Variants in KCNIP4 observed in about 807,000 individuals in gnomAD.
KCNIP4 encodes the protein Kv channel-interacting protein 4.
Under a neutral mutation model 34.0 loss-of-function variants are expected in KCNIP4, and 12 were observed. The observed-to-expected ratio is 0.35, with a 90% CI of 0.23 to 0.57. The LOEUF is 0.57. KCNIP4 is among the 20% of genes least tolerant of loss of function. The pLI is 0.83. For synonymous variants in KCNIP4, 124 were observed against 102.2 expected, an observed-to-expected ratio of 1.21 and a Z score of -1.29; for missense variants, 238 against 311.7, an observed-to-expected ratio of 0.76 and a Z score of 1.78.
Position 21,247,892 on chromosome 4 carries a change from G to GATAT in KCNIP4, c.62-365187_62-365184dup, listed in dbSNP as rs778784103. On this transcript the variant is annotated intron_variant, in intron 1 of 8. Coordinates refer to ENST00000382152, the MANE Select transcript of KCNIP4 (RefSeq NM_025221.6). ...CACACACACACACACACCACAGGTAGATATATATATATATATACACACACA... is the reference window on the plus strand; with the variant it reads ...CACACACACACACACACCACAGGTAGATATATATATATATATATATACACACACA... Among the ~76,000 whole-genome samples, 26 of 110,468 alleles carry GATAT rather than the reference G, an allele frequency of 2.4e-4. 1 individual carries two copies. Among genetic ancestry groups the GATAT allele is most frequent in the African/African-American group, 8.7e-4 (22 of 25,186 alleles). 72.5% of individuals were successfully genotyped at this position (110,468 alleles called of 152,430 possible). A position where few individuals can be genotyped will look rare whatever the true frequency, so the allele number is the denominator to read the frequency against.
At chr4:21,463,742 T>G (rs1252857570) in intron 1 of KCNIP4, among the ~76,000 whole-genome samples, 1 of 152,046 alleles carries the variant, frequency 6.6e-6, no homozygotes, top group Admixed American at 6.6e-5. Flanking sequence ...TTGGAAATAT[T>G]CCTTTGTCTT....
chr4:21,429,618 C>T (rs1398710522), intron 1 of KCNIP4, among the ~76,000 whole-genome samples: 1 of 152,122 alleles, frequency 6.6e-6, no homozygotes, highest in Non-Finnish European at 1.5e-5. Context: ...AATGAGAGTT[C>T]CTGTTGCTCC....
At chr4:21,124,854 T>G (rs1750474945) in intron 1 of KCNIP4, among the ~76,000 whole-genome samples, 1 of 152,156 alleles carries the variant, frequency 6.6e-6, no homozygotes, top group African/African-American at 2.4e-5. Flanking sequence ...TGATCTCATC[T>G]ACATGATCTC....
chr4:21,501,037 C>A (rs1733284156), intron 1 of KCNIP4, among the ~76,000 whole-genome samples: 1 of 151,934 alleles, frequency 6.6e-6, no homozygotes, highest in African/African-American at 2.4e-5. Context: ...TTAGGCAAGA[C>A]CTCTAATCTC....
At chr4:21,657,909 G>A (rs1331874214) in intron 1 of KCNIP4, among the ~76,000 whole-genome samples, 5 of 151,046 alleles carry the variant, frequency 3.3e-5, no homozygotes, top group African/African-American at 9.8e-5. Context: ...GAACGATCTC[G>A]GCTCAGTGCA....
chr4:20,921,364 CT>C (rs1729375672), intron 1 of KCNIP4, among the ~76,000 whole-genome samples: 1 of 152,150 alleles, frequency 6.6e-6, no homozygotes, highest in Non-Finnish European at 1.5e-5. Flanking sequence ...TTGATGAGAA[CT>C]GTTAATATGT....
intron 1 of KCNIP4, among the ~76,000 whole-genome samples, chr4:21,159,575 G>A: frequency 2.6e-5 from 1 of 38,122 alleles, no homozygotes; most frequent in East Asian, 5.0e-4. Flanking sequence ...GCAGGGCGAG[G>A]CATTGCCTCA....
chr4:20,977,315 T>TGCTCACG (rs1735588903), intron 1 of KCNIP4, among the ~76,000 whole-genome samples: 1 of 152,208 alleles, frequency 6.6e-6, no homozygotes, highest in African/African-American at 2.4e-5. Context: ...GTCAATGTCT[T>TGCTCACG]GCTCACTTAA....
At chr4:21,080,747 T>C (rs1745934032) in intron 1 of KCNIP4, among the ~76,000 whole-genome samples, 1 of 151,894 alleles carries the variant, frequency 6.6e-6, no homozygotes, top group Non-Finnish European at 1.5e-5. Flanking sequence ...TTGTTATTCC[T>C]ATACTGTCTA....
intron 1 of KCNIP4, among the ~76,000 whole-genome samples, chr4:21,403,592 A>G (rs1451174794): frequency 6.6e-6 from 1 of 152,190 alleles, no homozygotes; most frequent in Non-Finnish European, 1.5e-5. Flanking sequence ...TCATCTCTAT[A>G]ACCTAATAGA....
intron 1 of KCNIP4, among the ~76,000 whole-genome samples, chr4:21,756,445 T>A (rs1338371901): frequency 1.3e-5 from 2 of 151,648 alleles, no homozygotes; most frequent in Non-Finnish European, 2.9e-5. Context: ...TCTCAGCTAC[T>A]CTGGAGGCTG....
chr4:21,796,963 G>T lies in KCNIP4; in HGVS notation c.61+151608C>A, dbSNP rs970632946. Among the ~76,000 whole-genome samples, 9 of 152,146 alleles carry T rather than the reference G, an allele frequency of 5.9e-5. No individual in the cohort carries two copies. In the East Asian group the frequency reaches 1.7e-3, roughly 29 times the overall value. On this transcript the variant is annotated intron_variant, in intron 1 of 8. Coordinates refer to ENST00000382152, the MANE Select transcript of KCNIP4 (RefSeq NM_025221.6). Reference sequence around the variant, plus strand: ...ATTGAACGCTTCTGACATTGGCAAAGCTTGGACATATTCTGAGCAAGAGGC... The same window carrying T: ...ATTGAACGCTTCTGACATTGGCAAATCTTGGACATATTCTGAGCAAGAGGC...
intron 1 of KCNIP4, among the ~76,000 whole-genome samples, chr4:21,251,301 A>T (rs1210239087): frequency 6.6e-6 from 1 of 152,180 alleles, no homozygotes; most frequent in Non-Finnish European, 1.5e-5. Flanking sequence ...TTTTCATCTT[A>T]ATTCCTTCTC....
intron 1 of KCNIP4, among the ~76,000 whole-genome samples, chr4:21,639,368 G>C (rs140654013): frequency 6.6e-6 from 1 of 152,060 alleles, no homozygotes; most frequent in African/African-American, 2.4e-5. Context: ...AAAAAGACAC[G>C]AAATACCTAA....
chr4:21,369,323 G>T (rs1188718291), intron 1 of KCNIP4, among the ~76,000 whole-genome samples: 1 of 147,360 alleles, frequency 6.8e-6, no homozygotes, highest in Non-Finnish European at 1.5e-5. Context: ...AGATTAATAA[G>T]ATATATTTCT....
intron 1 of KCNIP4, among the ~76,000 whole-genome samples, chr4:21,801,057 G>A (rs1720961826): frequency 1.3e-5 from 2 of 152,060 alleles, no homozygotes; most frequent in Admixed American, 1.3e-4. Context: ...GAAAAATCAG[G>A]GAGGTTTTAT....
rs1749698161 is a variant in KCNIP4 at position 20,736,625 on chromosome 4, T to A, written c.430-1890A>T. On this transcript the variant is annotated intron_variant, in intron 5 of 8. Coordinates refer to ENST00000382152, the MANE Select transcript of KCNIP4 (RefSeq NM_025221.6). ...CTAATATATATAGAACAGTGTTACA[T>A]AATGAAAATGATAATAGATATTCTT... Among the ~76,000 whole-genome samples the A allele has an allele frequency of 3.3e-5, 5 of 152,300 alleles. No individual in the cohort carries two copies. In the South Asian group the frequency reaches 1.0e-3, roughly 32 times the overall value.
At chr4:21,527,900 T>C (rs2108965035) in intron 1 of KCNIP4, among the ~76,000 whole-genome samples, 1 of 152,292 alleles carries the variant, frequency 6.6e-6, no homozygotes, top group South Asian at 2.1e-4. Context: ...CACCTGCTTC[T>C]ATTTATGTTT....
At chr4:21,913,467 G>A (rs1016480536) in intron 1 of KCNIP4, among the ~76,000 whole-genome samples, 1 of 151,840 alleles carries the variant, frequency 6.6e-6, no homozygotes, top group African/African-American at 2.4e-5. Context: ...TGGAAGCAGA[G>A]AGTGGCCTTC....
Sources: allele counts gnomAD v4.1 joint callset (sites outside exome capture counted in the v4.1 genomes callset), GRCh38; gene constraint gnomAD v4.1.1; transcripts MANE v1.5; gene names NCBI Gene and HGNC (gene_info 2026-07-23, HGNC 2026-07-21).